SI: variants seen among roughly 807,000 people sequenced by gnomAD.
The protein encoded by SI is sucrase-isomaltase, intestinal.
A neutral mutation model predicts 253.3 loss-of-function variants in SI; 235 were observed. The ratio of observed to expected loss-of-function variants is 0.93; its 90% confidence interval spans 0.83 to 1.03. The LOEUF is 1.03. Among genes scored for constraint, SI ranks in the 50% least tolerant of loss-of-function variants. The probability of loss-of-function intolerance (pLI) is 0.00; values close to 1 mark genes in which losing one functional copy is unlikely to be tolerated. For missense variants in SI, 2,442 were observed against 2,211.1 expected (o/e 1.10, Z -2.09); for synonymous variants, 819 against 712.0 (o/e 1.15, Z -2.39).
In SI at chr3:165,043,010, A is replaced by G. The variant is rs200792363; in HGVS notation, c.2004+49T>C. The G allele has an allele frequency of 7.3e-6, 8 of 1,095,258 alleles. No individual in the cohort carries two copies. The African/African-American group carries it at 1.2e-4, about 17-fold the overall frequency. The allele number at this position is 1,095,258 out of a possible 1,614,324, so 67.8% of individuals were successfully genotyped here. A position where few individuals can be genotyped will look rare whatever the true frequency, so the allele number is the denominator to read the frequency against. On this transcript the variant is annotated intron_variant, in intron 17 of 47. Transcript: ENST00000264382. ...GATTTAATTTAAGTACATTAATAAA[A>G]ACTATGGTTGTTTTTTATTTCGCAA...
rs752396250 is a variant in SI at position 164,994,274 on chromosome 3, G to A, written c.4824C>T (p.Ile1608=). Reference sequence around the variant, plus strand: ...GTACTTACTCATGCAAAAGGGGTCGGATAACAGTGCCACCATTAGCATGAA... The same window carrying A: ...GTACTTACTCATGCAAAAGGGGTCGAATAACAGTGCCACCATTAGCATGAA... The part of the protein sequence containing the change: ...HEIHANGGTV[I]RPLLHEFFDE... The change falls in exon 41 of 48, where the codon ATC becomes ATT. Residue 1608 remains isoleucine (I), a synonymous_variant. Coordinates refer to ENST00000264382, the MANE Select transcript of SI (RefSeq NM_001041.4). 6.2e-7 allele frequency: 1 copy of A among 1,610,850 alleles called. No homozygotes were observed. Among genetic ancestry groups the A allele is most frequent in the East Asian group, 2.2e-5 (1 of 44,666 alleles).
At chr3:165,070,940 C>T (rs1239271946) in intron 3 of SI, among the ~76,000 whole-genome samples, 4 of 152,008 alleles carry the variant, frequency 2.6e-5, no homozygotes, top group African/African-American at 4.8e-5. Context: ...CTTCTAGTGG[C>T]TCCTGGCAAT....
At chr3:164,982,946 C>A (rs3762796) in intron 46 of SI, 56 bp downstream of exon 46, 1 of 1,509,160 alleles carries the variant, frequency 6.6e-7, no homozygotes, top group Non-Finnish European at 9.1e-7. Context: ...CCACCCCACC[C>A]AGCTGTGAAC....
At position 165,019,635 on chromosome 3, in the gene SI, A is replaced by C. The variant is rs1198076533; in HGVS notation, c.3390T>G (p.Thr1130=). The C allele has an allele frequency of 6.2e-7, 1 of 1,612,610 alleles. No homozygotes were observed. The highest frequency in any genetic ancestry group is 8.5e-7 in the Non-Finnish European group (1 of 1,179,040). ...TAFKRDLNWN[T]WGMFTRDQPP... ...GTTGGTCTCTTGTGAACATTCCCCA[A>C]GTATTCCAGTTCAGATCTCGCTTAA... The change falls in exon 28 of 48, where the codon ACT becomes ACG. Residue 1130 remains threonine (T), a synonymous_variant. Coordinates refer to ENST00000264382, the MANE Select transcript of SI (RefSeq NM_001041.4).
At position 165,019,771 on chromosome 3, in the gene SI, C is replaced by A; in HGVS notation, c.3255-1G>T. 1 of 1,611,876 alleles carries A rather than the reference C, an allele frequency of 6.2e-7. No individual in the cohort carries two copies. The highest frequency in any genetic ancestry group is 8.5e-7 in the Non-Finnish European group (1 of 1,178,506). ...AAATCCAGGCAGCCAAGAATCCCAA[C>A]TGAAAACAAAAGAAAACAAAGCTAT... On this transcript the variant is annotated splice_acceptor_variant, in intron 27 of 47. Transcript: ENST00000264382. LOFTEE classifies it high-confidence loss of function.
At chr3:165,011,582 CT>C (rs1000056324) in intron 34 of SI, among the ~76,000 whole-genome samples, 1 of 151,910 alleles carries the variant, frequency 6.6e-6, no homozygotes, top group African/African-American at 2.4e-5. Flanking sequence ...TATATGGCTG[CT>C]TTTGGGTAGA....
chr3:165,052,810 T>C (rs1002291037), intron 13 of SI, among the ~76,000 whole-genome samples: 1 of 152,140 alleles, frequency 6.6e-6, no homozygotes, highest in African/African-American at 2.4e-5. Context: ...AAAGAATTTG[T>C]AAAAGAATTT....
At chr3:165,071,585 C>A (rs1485041305) in intron 3 of SI, among the ~76,000 whole-genome samples, 1 of 151,784 alleles carries the variant, frequency 6.6e-6, no homozygotes, top group African/African-American at 2.4e-5. Context: ...CCCCGAAATT[C>A]ATATGTTGAA....
At chr3:165,067,521 T>A (rs1286957692) in intron 5 of SI, 30 bp from the exon 6 acceptor site, 1 of 1,563,328 alleles carries the variant, frequency 6.4e-7, no homozygotes, top group Non-Finnish European at 8.8e-7. Flanking sequence ...GTAGCATTAC[T>A]GGATTCTAAA....
intron 10 of SI, 56 bp downstream of exon 10, chr3:165,059,846 T>C: frequency 6.4e-7 from 1 of 1,553,674 alleles, no homozygotes; most frequent in Non-Finnish European, 8.9e-7. Flanking sequence ...ACAGTTCTTA[T>C]TATGTGACAA....
chr3:165,003,649 C>T (rs1718361313), intron 37 of SI, among the ~76,000 whole-genome samples: 1 of 152,000 alleles, frequency 6.6e-6, no homozygotes, highest in African/African-American at 2.4e-5. Context: ...TTATCAACTT[C>T]AGCTATTTGT....
intron 35 of SI, 119 bp downstream of exon 35, chr3:165,009,160 A>G: frequency 1.4e-6 from 1 of 721,622 alleles, no homozygotes; most frequent in Non-Finnish European, 2.4e-6. Flanking sequence ...TGTGGGGGAA[A>G]AAAGTGGACT....
At chr3:165,029,081 AAAAC>A (rs1294683859) in intron 25 of SI, among the ~76,000 whole-genome samples, 6 of 151,296 alleles carry the variant, frequency 4.0e-5, no homozygotes, top group Non-Finnish European at 5.9e-5. Context: ...TTAGCAGGAA[AAAAC>A]AAACAAACAA....
At chr3:165,068,575 C>A (rs571062430) in intron 5 of SI, 147 bp downstream of exon 5, 54 of 690,964 alleles carry the variant, frequency 7.8e-5, no homozygotes, top group Admixed American at 1.6e-4. Flanking sequence ...GGGTTTCACC[C>A]TGTTAGCCAG....
At chr3:165,077,824 C>T (rs1253626614) in intron 1 of SI, among the ~76,000 whole-genome samples, 2 of 151,366 alleles carry the variant, frequency 1.3e-5, no homozygotes, top group East Asian at 1.9e-4. Flanking sequence ...TCTCCTTTGT[C>T]TAGAAAAATC....
intron 27 of SI, 78 bp downstream of exon 27, chr3:165,021,151 A>G: frequency 9.5e-6 from 12 of 1,264,720 alleles, no homozygotes; most frequent in Non-Finnish European, 1.4e-5. Context: ...AGGACAGTGA[A>G]GGCTGTTAAT....
intron 12 of SI, among the ~76,000 whole-genome samples, chr3:165,056,106 A>G (rs1175053807): frequency 2.0e-5 from 3 of 152,158 alleles, no homozygotes; most frequent in Non-Finnish European, 2.9e-5. Context: ...ATTTAATTTC[A>G]GATAAGTTGA....
At position 164,982,408 on chromosome 3, in the gene SI, G is replaced by A; in HGVS notation, c.5250C>T (p.Thr1750=). 1.9e-6 allele frequency: 3 copies of A among 1,605,712 alleles called. No individual in the cohort carries two copies. The highest frequency in any genetic ancestry group is 2.6e-6 in the Non-Finnish European group (3 of 1,173,542). The part of the protein sequence containing the change: ...YLSVQFNLNQ[T]TLTSTILKRG... ...TCTTCAATATAGTGCTTGTTAAGGT[G>A]GTCTATAAATAAAGAAAAAGGAATA... Residue 1750 remains threonine, a splice_region_variant and synonymous_variant, in exon 47 of 48, where the codon ACC becomes ACT. Coordinates refer to ENST00000264382, the MANE Select transcript of SI (RefSeq NM_001041.4).
At chr3:165,041,128 G>A (rs756165888) in intron 17 of SI, 34 bp from the exon 18 acceptor site, 42 of 1,596,714 alleles carry the variant, frequency 2.6e-5, no homozygotes, top group Non-Finnish European at 6.0e-6. Flanking sequence ...AAATAAGAAA[G>A]CTAAAGTATG....
Sources: allele counts gnomAD v4.1 joint callset (sites outside exome capture counted in the v4.1 genomes callset), GRCh38; gene constraint gnomAD v4.1.1; transcripts MANE v1.5; gene names NCBI Gene and HGNC (gene_info 2026-07-23, HGNC 2026-07-21).